The following PRKD2 variants were observed in gnomAD, a reference collection of about 807,000 sequenced individuals.
PRKD2 encodes the protein serine/threonine-protein kinase D2.
In PRKD2, 22 loss-of-function variants were observed where a neutral mutation model predicts 86.0. The observed-to-expected ratio is 0.26, with a 90% CI of 0.18 to 0.37. The LOEUF is 0.37. Ranked by LOEUF, PRKD2 falls within the 10% of genes least tolerant of loss-of-function variation. PRKD2 has a pLI of 1.00. For synonymous variants in PRKD2, 509 were observed against 510.9 expected (o/e 1.00, Z 0.05); for missense variants, 818 against 1,199.2 (o/e 0.68, Z 4.70).
At chr19:46,681,600 G>A (rs1320184922) in intron 15 of PRKD2, 50 bp downstream of exon 15, 1 of 286,146 alleles carries the variant, frequency 3.5e-6, no homozygotes, top group Non-Finnish European at 7.1e-6. Context: ...CCCCACCCCG[G>A]CCATCAGTGT....
At chr19:46,682,790 G>A (rs994553400) in intron 14 of PRKD2, among the ~76,000 whole-genome samples, 4 of 142,890 alleles carry the variant, frequency 2.8e-5, no homozygotes, top group Admixed American at 7.5e-5. Context: ...ACTGCACCTC[G>A]ACCTCCCAGG....
chr19:46,706,517 T>C (rs536977468), intron 3 of PRKD2, among the ~76,000 whole-genome samples: 3 of 152,352 alleles, frequency 2.0e-5, no homozygotes, highest in East Asian at 1.9e-4. Context: ...GAATCACTCA[T>C]GTGCCTTCCA....
At position 46,704,318 on chromosome 19, in the gene PRKD2, G is replaced by A. The variant is rs143170215; in HGVS notation, c.740C>T (p.Thr247Met). 9 of 1,614,218 alleles carry A rather than the reference G, an allele frequency of 5.6e-6. No individual in the cohort carries two copies. The highest frequency in any genetic ancestry group is 2.7e-5 in the African/African-American group (2 of 75,056). Residue 247 changes from threonine (T) to methionine (M), a missense_variant, in exon 5 of 18, where the codon ACG becomes ATG. Physicochemically the swap from Thr to Met is moderately conservative, Grantham distance 81. This residue lies in a region of PRKD2 where 403 missense variants were observed against 518.6 expected (regional missense o/e 0.78). Coordinates refer to ENST00000291281, the MANE Select transcript of PRKD2 (RefSeq NM_016457.5). ...CTTGTCCAGCTCAATGGGGCGGCCCGTATACGATGAGGCAGAAGAGGAGGA... is the reference window on the plus strand; with the variant it reads ...CTTGTCCAGCTCAATGGGGCGGCCCATATACGATGAGGCAGAAGAGGAGGA... ...SSSSSSASSYTGRPIELDKML... is the reference protein window; with the variant it reads ...SSSSSSASSYMGRPIELDKML...
At chr19:46,690,786 C>T in intron 12 of PRKD2, 80 bp from the exon 13 acceptor site, 2 of 1,262,940 alleles carry the variant, frequency 1.6e-6, no homozygotes. Flanking sequence ...CCTCTGCCAA[C>T]CTCTGCCCCC....
chr19:46,693,844 T>G lies in PRKD2; in HGVS notation c.1576+31A>C. The G allele has an allele frequency of 6.4e-7, 1 of 1,563,210 alleles. No homozygotes were observed. The highest frequency in any genetic ancestry group is 8.6e-7 in the Non-Finnish European group (1 of 1,156,456). On this transcript the variant is annotated intron_variant, in intron 10 of 17. Transcript: ENST00000291281. The surrounding 1 kb of genome is among the most constrained non-coding windows in gnomAD (Gnocchi z 4.5). Reference sequence around the variant, plus strand: ...CCGTGCCCCACCCATCTAGATCTATTCTCTCAAGGACCCGAGGTGGGAGGA... The same window carrying G: ...CCGTGCCCCACCCATCTAGATCTATGCTCTCAAGGACCCGAGGTGGGAGGA...
intron 14 of PRKD2, 75 bp from the exon 15 acceptor site, chr19:46,681,823 T>G: frequency 2.7e-6 from 2 of 753,058 alleles, no homozygotes; most frequent in Non-Finnish European, 4.3e-6. Flanking sequence ...CAGCCAGCCC[T>G]CCAAACCCAT....
intron 15 of PRKD2, among the ~76,000 whole-genome samples, chr19:46,679,291 C>A (rs1004354431): frequency 6.6e-6 from 1 of 152,190 alleles, no homozygotes; most frequent in African/African-American, 2.4e-5. Context: ...GATCGCACCA[C>A]TGCATTCCAG....
chr19:46,679,556 G>C (rs1219124969), intron 15 of PRKD2, among the ~76,000 whole-genome samples: 1 of 152,172 alleles, frequency 6.6e-6, no homozygotes, highest in Non-Finnish European at 1.5e-5. Flanking sequence ...GGCTTTCCTG[G>C]GGATTAGGTA....
At chr19:46,685,236 G>T (rs2053378845) in intron 14 of PRKD2, among the ~76,000 whole-genome samples, 1 of 148,854 alleles carries the variant, frequency 6.7e-6, no homozygotes, top group Non-Finnish European at 1.5e-5. Flanking sequence ...TCCAGCCTGG[G>T]TGACAGAGTG....
rs748584428 is a variant in PRKD2, at chr19:46,700,819, G to A, written c.1101C>T (p.Gly367=). The change falls in exon 7 of 18, where the codon GGC becomes GGT. Residue 367 remains glycine (G), a synonymous_variant. Transcript: ENST00000291281. The part of the protein sequence containing the change: ...NALHASEEEE[G]EGGKAQSSLG... ...TATACCTCTGGGCCTTGCCTCCCTC[G>A]CCTTCCTCCTCCTCACTGGCGTGGA... 6.2e-7 allele frequency: 1 copy of A among 1,614,106 alleles called. No homozygotes were observed. The highest frequency in any genetic ancestry group is 8.5e-7 in the Non-Finnish European group (1 of 1,179,978).
chr19:46,678,724 CCCA>C lies in PRKD2; in HGVS notation c.2071-64_2071-62del, dbSNP rs2053250973. On this transcript the variant is annotated intron_variant, in intron 15 of 17. Coordinates refer to ENST00000291281, the MANE Select transcript of PRKD2 (RefSeq NM_016457.5). The surrounding 1 kb of genome is among the most constrained non-coding windows in gnomAD (Gnocchi z 5.7). ...ATGGAGCCGCACCCACCCCAGCATC[CCCA>C]CCACACCACCCTCCATGGTATTCCA... 8 of 1,525,928 alleles carry C rather than the reference CCCA, an allele frequency of 5.2e-6. No homozygotes were observed. Among genetic ancestry groups the C allele is most frequent in the Non-Finnish European group, 5.3e-6 (6 of 1,130,032 alleles). 94.5% of individuals were successfully genotyped at this position (1,525,928 alleles called of 1,614,324 possible).
At chr19:46,714,775 G>A (rs534642854) in intron 1 of PRKD2, among the ~76,000 whole-genome samples, 1 of 152,266 alleles carries the variant, frequency 6.6e-6, no homozygotes, top group East Asian at 1.9e-4. Context: ...ATCTGCCCCC[G>A]TACCCCCACT....
At chr19:46,708,228 T>C (rs904096659) in intron 3 of PRKD2, among the ~76,000 whole-genome samples, 1 of 151,704 alleles carries the variant, frequency 6.6e-6, no homozygotes, top group African/African-American at 2.4e-5. Flanking sequence ...CAACTATATC[T>C]GGAGACGGTG....
intron 3 of PRKD2, chr19:46,710,694 G>C: frequency 1.0e-5 from 5 of 482,638 alleles, no homozygotes; most frequent in Non-Finnish European, 1.8e-5. Context: ...CCTAGGCTCC[G>C]CCCCTAGACC....
chr19:46,686,231 C>T (rs1022136492), intron 14 of PRKD2: 7 of 152,142 alleles, frequency 4.6e-5, no homozygotes, highest in African/African-American at 1.2e-4. Flanking sequence ...GCCGGCTGGA[C>T]GCAGTGGCTC....
chr19:46,686,605 T>C (rs140529212), intron 14 of PRKD2, among the ~76,000 whole-genome samples: 1 of 151,836 alleles, frequency 6.6e-6, no homozygotes, highest in Non-Finnish European at 1.5e-5. Context: ...TGAACTATGA[T>C]TACACCACTG....
chr19:46,697,666 A>T, intron 8 of PRKD2, 67 bp downstream of exon 8: 1 of 1,447,972 alleles, frequency 6.9e-7, no homozygotes, highest in Non-Finnish European at 9.6e-7. Context: ...AGCCCCGCCT[A>T]CTCAAGCTGA....
chr19:46,703,167 AC>A (rs1384725246), intron 5 of PRKD2, among the ~76,000 whole-genome samples: 1 of 152,198 alleles, frequency 6.6e-6, no homozygotes, highest in Non-Finnish European at 1.5e-5. Flanking sequence ...AGAGTCTATA[AC>A]TTGGGAGATC....
At chr19:46,683,527 T>C (rs1251472738) in intron 14 of PRKD2, among the ~76,000 whole-genome samples, 1 of 152,082 alleles carries the variant, frequency 6.6e-6, no homozygotes, top group Non-Finnish European at 1.5e-5. Flanking sequence ...TTAGACACCA[T>C]CCTGGCCAAC....
Sources: allele counts gnomAD v4.1 joint callset (sites outside exome capture counted in the v4.1 genomes callset), GRCh38; gene constraint gnomAD v4.1.1; regional missense constraint gnomAD v4.1.1; non-coding constraint Gnocchi (gnomAD v3.1); transcripts MANE v1.5; gene names NCBI Gene and HGNC (gene_info 2026-07-23, HGNC 2026-07-21).